Variants in TSHZ2 observed in about 807,000 individuals in gnomAD.
The protein encoded by TSHZ2 is teashirt homolog 2.
Under a neutral mutation model 74.4 loss-of-function variants are expected in TSHZ2, and 21 were observed. The ratio of observed to expected loss-of-function variants is 0.28; its 90% CI spans 0.20 to 0.41. The LOEUF is 0.41. TSHZ2 is among the 10% of genes least tolerant of loss of function. The probability of loss-of-function intolerance (pLI) is 1.00; values close to 1 mark genes in which losing one functional copy is unlikely to be tolerated. For missense variants in TSHZ2, 1,244 were observed against 1,293.5 expected (o/e 0.96, Z 0.59); for synonymous variants, 540 against 515.3 (o/e 1.05, Z -0.65).
At chr20:53,396,461 C>T (rs1982449683) in intron 2 of TSHZ2, among the ~76,000 whole-genome samples, 1 of 152,072 alleles carries the variant, frequency 6.6e-6, no homozygotes, top group African/African-American at 2.4e-5. Flanking sequence ...AAAAATGAAA[C>T]AGTCAGCATA....
intron 2 of TSHZ2, among the ~76,000 whole-genome samples, chr20:53,435,001 C>T (rs1168057467): frequency 6.6e-6 from 1 of 152,106 alleles, no homozygotes; most frequent in Non-Finnish European, 1.5e-5. Flanking sequence ...TTTCTGAATG[C>T]CCATGAATAT....
At chr20:53,082,718 A>G (rs1985575973) in intron 1 of TSHZ2, among the ~76,000 whole-genome samples, 1 of 152,238 alleles carries the variant, frequency 6.6e-6, no homozygotes, top group South Asian at 2.1e-4. Flanking sequence ...AGCCACCTAA[A>G]TGTGAAAGAA....
At chr20:53,450,928 A>C (rs1406430978) in intron 2 of TSHZ2, among the ~76,000 whole-genome samples, 1 of 151,984 alleles carries the variant, frequency 6.6e-6, no homozygotes, top group African/African-American at 2.4e-5. Flanking sequence ...TACAGTGTCC[A>C]CTTTTCTCTA....
chr20:53,312,729 A>G (rs1978845846), intron 2 of TSHZ2, among the ~76,000 whole-genome samples: 2 of 152,216 alleles, frequency 1.3e-5, no homozygotes, highest in Non-Finnish European at 2.9e-5. Context: ...ATTGTCCCCA[A>G]AATCCTAGAT....
intron 1 of TSHZ2, among the ~76,000 whole-genome samples, chr20:53,032,858 C>T (rs894103138): frequency 6.6e-5 from 10 of 152,110 alleles, no homozygotes; most frequent in African/African-American, 2.2e-4. Flanking sequence ...ACCACACTCC[C>T]ATCATTGCAC....
intron 2 of TSHZ2, among the ~76,000 whole-genome samples, chr20:53,393,454 A>G (rs1191638984): frequency 2.0e-5 from 3 of 152,242 alleles, no homozygotes; most frequent in African/African-American, 7.2e-5. Flanking sequence ...TGTAAAACAC[A>G]TGTAGCATCT....
At chr20:53,003,071 C>CT (rs1982497719) in intron 1 of TSHZ2, among the ~76,000 whole-genome samples, 2 of 152,024 alleles carry the variant, frequency 1.3e-5, no homozygotes, top group South Asian at 4.1e-4. Flanking sequence ...AATACATTAT[C>CT]TAATAAAGCT....
At chr20:53,466,294 A>T (rs372264439) in intron 2 of TSHZ2, among the ~76,000 whole-genome samples, 6 of 152,276 alleles carry the variant, frequency 3.9e-5, no homozygotes, top group Admixed American at 6.5e-5. Context: ...AAGGAAAAAA[A>T]AAAAAGTCTA....
intron 1 of TSHZ2, among the ~76,000 whole-genome samples, chr20:53,011,697 G>A (rs765143426): frequency 6.6e-6 from 1 of 152,134 alleles, no homozygotes; most frequent in Admixed American, 6.5e-5. Context: ...ATGGCTGAAT[G>A]ACCATATATT....
intron 1 of TSHZ2, among the ~76,000 whole-genome samples, chr20:53,089,957 C>T (rs920305895): frequency 6.6e-6 from 1 of 152,194 alleles, no homozygotes; most frequent in Non-Finnish European, 1.5e-5. Flanking sequence ...CCACAATAGG[C>T]CATCTGCAAG....
intron 1 of TSHZ2, among the ~76,000 whole-genome samples, chr20:53,236,476 A>G (rs1989941158): frequency 6.6e-6 from 1 of 152,254 alleles, no homozygotes; most frequent in African/African-American, 2.4e-5. Context: ...ATTATAGCAG[A>G]AACACACGTG....
At chr20:53,030,563 A>T (rs1490478059) in intron 1 of TSHZ2, among the ~76,000 whole-genome samples, 1 of 152,218 alleles carries the variant, frequency 6.6e-6, no homozygotes, top group Non-Finnish European at 1.5e-5. Context: ...TAATGAGGGC[A>T]TCAATTCTGA....
At chr20:53,464,824 C>T (rs569569294) in intron 2 of TSHZ2, among the ~76,000 whole-genome samples, 41 of 152,062 alleles carry the variant, frequency 2.7e-4, no homozygotes, top group Middle Eastern at 6.8e-3. Context: ...TGGAGGGCAA[C>T]GGTGTGGTTA....
At chr20:53,276,303 T>A (rs1990945858) in intron 2 of TSHZ2, among the ~76,000 whole-genome samples, 1 of 152,114 alleles carries the variant, frequency 6.6e-6, no homozygotes, top group Non-Finnish European at 1.5e-5. Context: ...TTGAGAAATT[T>A]GTCCTAAGGC....
At position 53,205,072 on chromosome 20, in the gene TSHZ2, C is replaced by T. The variant is rs564452962; in HGVS notation, c.41-48427C>T. On this transcript the variant is annotated intron_variant, in intron 1 of 2. Coordinates refer to ENST00000371497, the MANE Select transcript of TSHZ2 (RefSeq NM_173485.6). ...CGCCACTGCACTCCAGTCTGGGCAA[C>T]AGAGGGAGACTCCATCTCAAAAAAA... Among the ~76,000 whole-genome samples, 8 of 144,214 alleles carry T rather than the reference C, an allele frequency of 5.5e-5. No homozygotes were observed. In the South Asian group the frequency reaches 1.5e-3, roughly 28 times the overall value. 94.6% of individuals were successfully genotyped at this position (144,214 alleles called of 152,430 possible).
intron 1 of TSHZ2, among the ~76,000 whole-genome samples, chr20:53,098,701 C>T (rs1325241217): frequency 6.6e-6 from 1 of 152,230 alleles, no homozygotes; most frequent in Non-Finnish European, 1.5e-5. Flanking sequence ...GTTCCTGCCA[C>T]ATCTCCACAG....
intron 1 of TSHZ2, among the ~76,000 whole-genome samples, chr20:53,238,964 C>T (rs981768372): frequency 3.9e-5 from 6 of 152,078 alleles, no homozygotes; most frequent in East Asian, 3.8e-4. Flanking sequence ...AGAGCACTCC[C>T]GCCAAGATGG....
At chr20:53,089,672 A>C (rs973097892) in intron 1 of TSHZ2, among the ~76,000 whole-genome samples, 3 of 152,214 alleles carry the variant, frequency 2.0e-5, no homozygotes, top group Non-Finnish European at 2.9e-5. Context: ...AAAAAGCTAG[A>C]TCATAAGATA....
chr20:53,282,711 C>T (rs1468565235), intron 2 of TSHZ2, among the ~76,000 whole-genome samples: 2 of 152,170 alleles, frequency 1.3e-5, no homozygotes, highest in East Asian at 1.9e-4. Flanking sequence ...TCTAGTGGCA[C>T]CTTTCAGACT....
Sources: gnomAD v4.1 joint callset for allele counts (sites outside exome capture counted in the v4.1 genomes callset) on GRCh38, gnomAD v4.1.1 for gene constraint, MANE v1.5 for transcripts, NCBI Gene and HGNC (gene_info 2026-07-23, HGNC 2026-07-21) for gene names.